HEATR5A: variants seen among roughly 807,000 people sequenced by gnomAD.
The protein encoded by HEATR5A is HEAT repeat containing 5A.
In HEATR5A, 178 loss-of-function variants were observed where a neutral mutation model predicts 218.8. That is an observed-to-expected ratio of 0.81 (90% CI 0.72 to 0.92). HEATR5A has a LOEUF of 0.92. Among genes scored for constraint, HEATR5A ranks in the 40% least tolerant of loss-of-function variants. HEATR5A has a pLI of 0.00. For missense variants in HEATR5A, 2,420 were observed against 2,418.9 expected (o/e 1.00, Z -0.01); for synonymous variants, 864 against 871.6 (o/e 0.99, Z 0.15).
At chr14:31,384,674 G>A (rs1279449843) in intron 9 of HEATR5A, among the ~76,000 whole-genome samples, 6 of 151,742 alleles carry the variant, frequency 4.0e-5, no homozygotes, top group South Asian at 2.1e-4. Context: ...TCCCAAGTGC[G>A]TGCCACTACA....
intron 14 of HEATR5A, among the ~76,000 whole-genome samples, chr14:31,361,038 G>C (rs1004224135): frequency 6.6e-6 from 1 of 152,086 alleles, no homozygotes; most frequent in African/African-American, 2.4e-5. Context: ...ATAAGGTCAG[G>C]TTAGTATGTT....
Position 31,352,788 on chromosome 14 carries a change from T to C in HEATR5A, c.2412-2071A>G, listed in dbSNP as rs1214566342. On this transcript the variant is annotated intron_variant, in intron 16 of 35. Coordinates refer to ENST00000543095, the MANE Select transcript of HEATR5A (RefSeq NM_015473.4). ...GCCTGGACAACATGGTGAAACTCCA[T>C]CTCTATTAAAAATATAAAAACTAGC... Among the ~76,000 whole-genome samples the C allele has an allele frequency of 5.3e-5, 8 of 152,076 alleles. 1 individual carries two copies. The South Asian group carries it at 8.3e-4, about 16-fold the overall frequency.
At chr14:31,295,712 C>T (rs900440860) in intron 34 of HEATR5A, among the ~76,000 whole-genome samples, 197 bp downstream of exon 34, 2 of 152,026 alleles carry the variant, frequency 1.3e-5, no homozygotes, top group African/African-American at 4.8e-5. Flanking sequence ...TGCCACTATG[C>T]TCTACCCTTA....
Position 31,293,158 on chromosome 14 carries a change from G to A in HEATR5A, c.*147C>T. Reference sequence around the variant, plus strand: ...GCACACACACAAAAATGTTAAGTATGCTGTTACTTTGAAGAGTCACAGCTA... The same window carrying A: ...GCACACACACAAAAATGTTAAGTATACTGTTACTTTGAAGAGTCACAGCTA... On this transcript the variant is annotated 3_prime_UTR_variant, in exon 36 of 36. Transcript: ENST00000543095. 1 of 564,444 alleles carries A rather than the reference G, an allele frequency of 1.8e-6. No homozygotes were observed. The highest frequency in any genetic ancestry group is 3.0e-6 in the Non-Finnish European group (1 of 330,174). 35.0% of individuals were successfully genotyped at this position (564,444 alleles called of 1,614,324 possible). A position where few individuals can be genotyped will look rare whatever the true frequency, so the allele number is the denominator to read the frequency against.
chr14:31,350,689 T>G lies in HEATR5A; in HGVS notation c.2440A>C (p.Ser814Arg). Residue 814 changes from serine to arginine, a missense_variant, in exon 17 of 36, where the codon AGT becomes CGT. Ser to Arg is a moderately radical substitution (Grantham distance 110). Transcript: ENST00000543095. The stretch of plus-strand genomic sequence containing the variant: ...CGAGCTCCTTTTGTGTGCTTTATAC[T>G]GTCCAAAAGCTGTTCCAATATAAGA... The part of the protein sequence containing the change: ...RLLILEQLLD[S>R]IKHTKGARQQ... The G allele has an allele frequency of 6.3e-7, 1 of 1,594,822 alleles. No homozygotes were observed. The highest frequency in any genetic ancestry group is 8.6e-7 in the Non-Finnish European group (1 of 1,167,040).
intron 13 of HEATR5A, among the ~76,000 whole-genome samples, chr14:31,366,167 G>A (rs1041357398): frequency 1.3e-5 from 2 of 152,118 alleles, no homozygotes; most frequent in East Asian, 3.9e-4. Flanking sequence ...CCAGCACTTT[G>A]GGAGGCTGAG....
chr14:31,327,795 T>C (rs1192648814), intron 22 of HEATR5A, among the ~76,000 whole-genome samples: 1 of 152,194 alleles, frequency 6.6e-6, no homozygotes, highest in Non-Finnish European at 1.5e-5. Flanking sequence ...TACAAAGTAA[T>C]ACCTCAAAGG....
intron 3 of HEATR5A, among the ~76,000 whole-genome samples, chr14:31,399,575 A>G (rs1270872019): frequency 2.0e-5 from 3 of 152,228 alleles, no homozygotes; most frequent in Admixed American, 6.5e-5. Flanking sequence ...CATGCCTGTA[A>G]TCCCAATACT....
At chr14:31,322,783 C>T (rs1408672287) in intron 24 of HEATR5A, among the ~76,000 whole-genome samples, 1 of 145,524 alleles carries the variant, frequency 6.9e-6, no homozygotes, top group African/African-American at 2.6e-5. Flanking sequence ...CATGCCACTG[C>T]ACTCCAGCCT....
intron 1 of HEATR5A, among the ~76,000 whole-genome samples, chr14:31,409,421 C>T (rs1307610578): frequency 1.3e-5 from 2 of 151,912 alleles, no homozygotes; most frequent in African/African-American, 4.8e-5. Context: ...ATTATCAGGC[C>T]AGGCGCAGTG....
Position 31,400,487 on chromosome 14 carries a change from G to A in HEATR5A, c.152C>T (p.Thr51Ile), listed in dbSNP as rs139518573. The change falls in exon 3 of 36, where the codon ACT becomes ATT. Residue 51 changes from threonine to isoleucine, a missense_variant. Thr to Ile is a moderately conservative substitution (Grantham distance 89). Coordinates refer to ENST00000543095, the MANE Select transcript of HEATR5A (RefSeq NM_015473.4). ...SRNDVREKQKTLVEQLLSLLN... is the reference protein window; with the variant it reads ...SRNDVREKQKILVEQLLSLLN... ...CAAAGACAGGAGCTGTTCAACAAGAGTCTTCTGTTTCTCCCTTACATCATT... is the reference window on the plus strand; with the variant it reads ...CAAAGACAGGAGCTGTTCAACAAGAATCTTCTGTTTCTCCCTTACATCATT... 257 of 1,535,342 alleles carry A rather than the reference G, an allele frequency of 1.7e-4. 1 individual carries two copies. In the African/African-American group the frequency reaches 3.0e-3, roughly 18 times the overall value.
chr14:31,383,514 T>A lies in HEATR5A; in HGVS notation c.1596+7A>T, dbSNP rs2030081371. ...TCATTATCATACATAGAGAATGAAA[T>A]CATTACCTTGCCTTTTCCATGAGGA... On this transcript the variant is annotated splice_region_variant and intron_variant, in intron 10 of 35. Coordinates refer to ENST00000543095, the MANE Select transcript of HEATR5A (RefSeq NM_015473.4). The A allele has an allele frequency of 6.2e-7, 1 of 1,607,952 alleles. No individual in the cohort carries two copies. The highest frequency in any genetic ancestry group is 8.5e-7 in the Non-Finnish European group (1 of 1,175,554).
At chr14:31,382,341 G>GT (rs1405118840) in intron 10 of HEATR5A, among the ~76,000 whole-genome samples, 3 of 152,122 alleles carry the variant, frequency 2.0e-5, no homozygotes, top group Non-Finnish European at 2.9e-5. Flanking sequence ...AATTGTTCAA[G>GT]TTATGGAATG....
chr14:31,406,437 T>G (rs892166708), intron 1 of HEATR5A, among the ~76,000 whole-genome samples: 1 of 152,240 alleles, frequency 6.6e-6, no homozygotes, highest in East Asian at 1.9e-4. Context: ...GTACTCTAAG[T>G]GCTTTACATT....
chr14:31,309,934 C>A (rs995301409), intron 28 of HEATR5A, among the ~76,000 whole-genome samples: 1 of 152,066 alleles, frequency 6.6e-6, no homozygotes, highest in Non-Finnish European at 1.5e-5. Context: ...AACTTCTGGG[C>A]TCAGGCAATC....
At position 31,344,005 on chromosome 14, in the gene HEATR5A, T is replaced by C. The variant is rs754165407; in HGVS notation, c.3119A>G (p.Gln1040Arg). 5 of 1,610,128 alleles carry C rather than the reference T, an allele frequency of 3.1e-6. No individual in the cohort carries two copies. The highest frequency in any genetic ancestry group is 3.4e-6 in the Non-Finnish European group (4 of 1,178,094). ...TSCLLGCAVM[Q>R]DNPDCLVQAQ... ...TTGAACAAGGCAGTCTGGGTTATCT[T>C]GCATTACTGCACAACCCAGTAGACA... Residue 1040 changes from glutamine (Q) to arginine (R), a missense_variant, in exon 21 of 36, where the codon CAA becomes CGA. By Grantham distance (43) the Gln-to-Arg change is conservative (BLOSUM62 1). Coordinates refer to ENST00000543095, the MANE Select transcript of HEATR5A (RefSeq NM_015473.4).
In HEATR5A at chr14:31,349,988, T is replaced by C. The variant is rs1429620410; in HGVS notation, c.2518-9A>G. On this transcript the variant is annotated splice_polypyrimidine_tract_variant and intron_variant, in intron 17 of 35. Coordinates refer to ENST00000543095, the MANE Select transcript of HEATR5A (RefSeq NM_015473.4). ...TTGGAGCCAGCCACGTACTGAAATA[T>C]GTAAAGAACAACCCAAACTTACAAT... is the stretch of plus-strand genomic sequence containing the variant. 6.5e-7 allele frequency: 1 copy of C among 1,531,492 alleles called. No homozygotes were observed. The highest frequency in any genetic ancestry group is 2.3e-5 in the East Asian group (1 of 43,382). 94.9% of individuals were successfully genotyped at this position (1,531,492 alleles called of 1,614,324 possible). A position where few individuals can be genotyped will look rare whatever the true frequency, so the allele number is the denominator to read the frequency against.
chr14:31,408,899 G>T (rs61994160), intron 1 of HEATR5A, among the ~76,000 whole-genome samples: 1 of 113,588 alleles, frequency 8.8e-6, no homozygotes, highest in Non-Finnish European at 1.8e-5. Flanking sequence ...AGACCATCCC[G>T]GCTAAAACGG....
chr14:31,348,977 T>G (rs1484164855), intron 18 of HEATR5A, among the ~76,000 whole-genome samples: 1 of 152,206 alleles, frequency 6.6e-6, no homozygotes, highest in Non-Finnish European at 1.5e-5. Flanking sequence ...CATATTACTT[T>G]TATATTTACT....
Sources: gnomAD v4.1 joint callset for allele counts (sites outside exome capture counted in the v4.1 genomes callset) on GRCh38, gnomAD v4.1.1 for gene constraint, MANE v1.5 for transcripts, NCBI Gene and HGNC (gene_info 2026-07-23, HGNC 2026-07-21) for gene names.